Variants in PCCA observed in about 807,000 individuals in gnomAD.
PCCA encodes propionyl-CoA carboxylase alpha chain, mitochondrial.
In PCCA, 74 loss-of-function variants were observed where a neutral mutation model predicts 101.3. The observed-to-expected ratio is 0.73, with a 90% CI of 0.61 to 0.89. PCCA has a LOEUF of 0.89. Among genes scored for constraint, PCCA ranks in the 40% least tolerant of loss-of-function variants. The pLI, the probability that PCCA is intolerant of heterozygous loss-of-function variation, is 0.00. For missense variants in PCCA, 891 were observed against 907.0 expected (o/e 0.98, Z 0.23); for synonymous variants, 294 against 313.6 (o/e 0.94, Z 0.66).
intron 18 of PCCA, among the ~76,000 whole-genome samples, chr13:100,358,298 GACA>G (rs1333331001): frequency 1.3e-5 from 2 of 152,178 alleles, no homozygotes; most frequent in East Asian, 1.9e-4. Context: ...AGTGAAGTCT[GACA>G]ACATCTCCAC....
At chr13:100,192,907 G>T (rs896917855) in intron 6 of PCCA, among the ~76,000 whole-genome samples, 10 of 152,114 alleles carry the variant, frequency 6.6e-5, no homozygotes, top group Non-Finnish European at 8.8e-5. Context: ...TTCTTACCGT[G>T]TATTGTTTTT....
chr13:100,167,580 A>G (rs1284224233), intron 6 of PCCA, among the ~76,000 whole-genome samples: 7 of 152,106 alleles, frequency 4.6e-5, no homozygotes, highest in Non-Finnish European at 1.0e-4. Context: ...AAATAGATAT[A>G]TGTAATTTCT....
chr13:100,524,169 G>T (rs536745186), intron 22 of PCCA, among the ~76,000 whole-genome samples: 1 of 152,348 alleles, frequency 6.6e-6, no homozygotes, highest in South Asian at 2.1e-4. Flanking sequence ...CAAGGGCCGA[G>T]TGCTGGCATT....
At chr13:100,333,872 T>C (rs1345042899) in intron 17 of PCCA, among the ~76,000 whole-genome samples, 1 of 152,194 alleles carries the variant, frequency 6.6e-6, no homozygotes, top group Non-Finnish European at 1.5e-5. Context: ...CTTTAAAAAA[T>C]ACTACTATGA....
chr13:100,120,281 T>C (rs761448299), intron 4 of PCCA, among the ~76,000 whole-genome samples: 7 of 149,962 alleles, frequency 4.7e-5, no homozygotes, highest in Non-Finnish European at 1.0e-4. Context: ...TGGGCTCAAG[T>C]GATTGTCCTG....
chr13:100,512,601 C>G (rs1373722960), intron 21 of PCCA, among the ~76,000 whole-genome samples: 3 of 152,302 alleles, frequency 2.0e-5, no homozygotes, highest in Non-Finnish European at 4.4e-5. Context: ...TCCATGGCAG[C>G]CCAGCCCCAC....
chr13:100,374,636 G>A (rs904331114), intron 19 of PCCA, among the ~76,000 whole-genome samples: 2 of 152,000 alleles, frequency 1.3e-5, no homozygotes, highest in African/African-American at 4.8e-5. Context: ...TGAAAGAAGA[G>A]TGTCAGAGTA....
intron 8 of PCCA, among the ~76,000 whole-genome samples, chr13:100,245,135 T>G (rs971903236): frequency 6.6e-6 from 1 of 152,184 alleles, no homozygotes; most frequent in African/African-American, 2.4e-5. Context: ...TGAAACTAAA[T>G]ATAACTATTT....
intron 19 of PCCA, among the ~76,000 whole-genome samples, chr13:100,416,415 C>T (rs2152878252): frequency 6.6e-6 from 1 of 152,174 alleles, no homozygotes; most frequent in Admixed American, 6.5e-5. Context: ...CTGTTGACCT[C>T]AAGTACTCCG....
chr13:100,172,000 C>T (rs1486276041), intron 6 of PCCA, among the ~76,000 whole-genome samples: 1 of 149,940 alleles, frequency 6.7e-6, no homozygotes. Flanking sequence ...CCACTGCATT[C>T]CAGCTTGGGT....
intron 7 of PCCA, among the ~76,000 whole-genome samples, chr13:100,221,538 G>C (rs1368346408): frequency 6.6e-6 from 1 of 152,130 alleles, no homozygotes; most frequent in Non-Finnish European, 1.5e-5. Flanking sequence ...GTAGACAGGA[G>C]AAAAGAAATC....
At chr13:100,220,126 G>A (rs146820450) in intron 7 of PCCA, among the ~76,000 whole-genome samples, 20 of 152,272 alleles carry the variant, frequency 1.3e-4, no homozygotes, top group Admixed American at 1.2e-3. Flanking sequence ...GGTAGTAAGA[G>A]CCCACCCTGG....
In PCCA at chr13:100,167,975, T is replaced by C. The variant is rs77821873; in HGVS notation, c.468+10635T>C. ...AATACTTTGTCCACACCCCCTTTCA[T>C]TTACTCCCATGTATTACTAATCCTG... is the stretch of plus-strand genomic sequence containing the variant. On this transcript the variant is annotated intron_variant, in intron 6 of 23. Coordinates refer to ENST00000376285, the MANE Select transcript of PCCA (RefSeq NM_000282.4). Among the ~76,000 whole-genome samples, 89 of 152,250 alleles carry C rather than the reference T, an allele frequency of 5.8e-4. 4 individuals are homozygous for C. The East Asian group carries it at 0.017, about 29-fold the overall frequency.
At chr13:100,486,017 A>G (rs2084347446) in intron 21 of PCCA, among the ~76,000 whole-genome samples, 2 of 152,288 alleles carry the variant, frequency 1.3e-5, no homozygotes, top group South Asian at 4.1e-4. Flanking sequence ...GCCTCTGCCC[A>G]CTGGGGCTTT....
chr13:100,490,733 G>T (rs560826573), intron 21 of PCCA: 1 of 152,318 alleles, frequency 6.6e-6, no homozygotes, highest in South Asian at 2.1e-4. Flanking sequence ...CCTGCTCCCT[G>T]GCCAGCCACA....
chr13:100,526,405 A>G lies in PCCA; in HGVS notation c.2041-1270A>G, dbSNP rs2087819603. On this transcript the variant is annotated intron_variant, in intron 22 of 23. Coordinates refer to ENST00000376285, the MANE Select transcript of PCCA (RefSeq NM_000282.4). ...AAGCCTTGGCATCGTCTCTCTTCCT[A>G]TATTTCTATGCCAGGAAGAAGCAGC... 2.6e-5 allele frequency among the ~76,000 whole-genome samples: 4 copies of G among 152,316 alleles called. No individual in the cohort carries two copies. In the South Asian group the frequency reaches 6.2e-4, roughly 24 times the overall value.
intron 17 of PCCA, among the ~76,000 whole-genome samples, chr13:100,336,148 G>A (rs2070418743): frequency 6.6e-6 from 1 of 152,088 alleles, no homozygotes; most frequent in Non-Finnish European, 1.5e-5. Context: ...TGTAATCCCA[G>A]CTATTCAGGA....
chr13:100,110,249 C>T (rs1473844636), intron 2 of PCCA, among the ~76,000 whole-genome samples: 3 of 152,184 alleles, frequency 2.0e-5, no homozygotes, highest in South Asian at 2.1e-4. Context: ...TCTGTAGTTC[C>T]GTTGAACTTA....
chr13:100,503,310 G>T (rs879862881), intron 21 of PCCA, among the ~76,000 whole-genome samples: 1 of 152,110 alleles, frequency 6.6e-6, no homozygotes, highest in Non-Finnish European at 1.5e-5. Flanking sequence ...GACCAACATG[G>T]AGAAACCCTG....
Sources: allele counts gnomAD v4.1 joint callset (sites outside exome capture counted in the v4.1 genomes callset), GRCh38; gene constraint gnomAD v4.1.1; transcripts MANE v1.5; gene names NCBI Gene and HGNC (gene_info 2026-07-23, HGNC 2026-07-21).